UACA: variants seen among roughly 807,000 people sequenced by gnomAD.
The protein encoded by UACA is nuclear membrane binding protein.
UACA carries 112 observed loss-of-function variants against 160.5 expected under a neutral mutation model. The ratio of observed to expected loss-of-function variants is 0.70; its 90% confidence interval spans 0.60 to 0.82. The LOEUF (loss-of-function observed/expected upper bound fraction) is 0.82, where lower values mean the gene tolerates loss of function less well. Ranked by LOEUF, UACA falls within the 40% of genes least tolerant of loss-of-function variation. The probability of loss-of-function intolerance (pLI) is 0.00; values close to 1 mark genes in which losing one functional copy is unlikely to be tolerated. For missense variants in UACA, 1,574 were observed against 1,614.6 expected, an observed-to-expected ratio of 0.97 and a Z score of 0.43; for synonymous variants, 557 against 568.4, an observed-to-expected ratio of 0.98 and a Z score of 0.29.
chr15:70,699,465 A>G, intron 2 of UACA, 62 bp downstream of exon 2: 5 of 1,550,488 alleles, frequency 3.2e-6, no homozygotes, highest in Non-Finnish European at 4.4e-6. Flanking sequence ...CACAAGTTTC[A>G]TTTGTATCCC....
chr15:70,717,016 G>A (rs1421260839), intron 1 of UACA, among the ~76,000 whole-genome samples: 1 of 152,192 alleles, frequency 6.6e-6, no homozygotes, highest in Non-Finnish European at 1.5e-5. Context: ...GAGGTCAGGA[G>A]TTTGAGACCA....
intron 1 of UACA, among the ~76,000 whole-genome samples, chr15:70,737,168 C>T (rs1238276502): frequency 3.9e-5 from 6 of 152,168 alleles, no homozygotes; most frequent in Non-Finnish European, 7.3e-5. Context: ...GCCATCGGGG[C>T]TGAGTGTTTG....
intron 1 of UACA, among the ~76,000 whole-genome samples, chr15:70,718,044 C>CACACACACACACAT (rs1029293844): frequency 1.3e-5 from 2 of 151,472 alleles, no homozygotes; most frequent in African/African-American, 4.9e-5. Flanking sequence ...CACACACACA[C>CACACACACACACAT]ACACACACAC....
chr15:70,699,630 G>T lies in UACA; in HGVS notation c.109C>A (p.Arg37=). Reference sequence around the variant, plus strand: ...CCCCTTTCTGCTGCTTTCATCAATCGGTCATCATATTTATTCCAATCTGCT... The same window carrying T: ...CCCCTTTCTGCTGCTTTCATCAATCTGTCATCATATTTATTCCAATCTGCT... ...HAADWNKYDD[R]LMKAAERGDV... The change falls in exon 2 of 19, where the codon CGA becomes AGA. Residue 37 remains arginine (R), a synonymous_variant. Transcript: ENST00000322954. The T allele has an allele frequency of 6.2e-7, 1 of 1,608,508 alleles. No individual in the cohort carries two copies. The highest frequency in any genetic ancestry group is 8.5e-7 in the Non-Finnish European group (1 of 1,178,572).
At chr15:70,724,045 A>T (rs1363886297) in intron 1 of UACA, among the ~76,000 whole-genome samples, 2 of 152,212 alleles carry the variant, frequency 1.3e-5, no homozygotes, top group Non-Finnish European at 2.9e-5. Flanking sequence ...CTGTAGCTTT[A>T]TATTTTAAGT....
intron 1 of UACA, among the ~76,000 whole-genome samples, chr15:70,727,443 G>T (rs1899183001): frequency 6.6e-6 from 1 of 152,044 alleles, no homozygotes; most frequent in African/African-American, 2.4e-5. Context: ...AAAATTACTT[G>T]ATACTGCATA....
chr15:70,681,729 T>C (rs1897514680), intron 9 of UACA: 1 of 152,120 alleles, frequency 6.6e-6, no homozygotes. Flanking sequence ...TCAACAGACA[T>C]GACCCATATA....
intron 1 of UACA, among the ~76,000 whole-genome samples, chr15:70,761,311 G>A (rs1407847335): frequency 6.6e-6 from 1 of 151,692 alleles, no homozygotes; most frequent in East Asian, 1.9e-4. Flanking sequence ...ACACGGTGTC[G>A]ATATTTTGTT....
chr15:70,753,365 A>G (rs965042414), intron 1 of UACA, among the ~76,000 whole-genome samples: 2 of 152,238 alleles, frequency 1.3e-5, no homozygotes, highest in East Asian at 1.9e-4. Flanking sequence ...ACAATTCCAC[A>G]TATCTCTGGA....
At chr15:70,750,662 C>T (rs1305196899) in intron 1 of UACA, among the ~76,000 whole-genome samples, 1 of 152,096 alleles carries the variant, frequency 6.6e-6, no homozygotes, top group African/African-American at 2.4e-5. Context: ...AGCCCTCAGG[C>T]GTTCGAGACC....
intron 13 of UACA, among the ~76,000 whole-genome samples, chr15:70,673,307 GA>G (rs1187957759): frequency 6.6e-6 from 1 of 151,788 alleles, no homozygotes; most frequent in Non-Finnish European, 1.5e-5. Flanking sequence ...AAAAACCCCA[GA>G]GTGAAATGAA....
intron 10 of UACA, among the ~76,000 whole-genome samples, 153 bp downstream of exon 10, chr15:70,679,455 A>C (rs1259283074): frequency 2.0e-5 from 3 of 146,342 alleles, no homozygotes. Flanking sequence ...AGATTAGGCA[A>C]AAAAAAAGAG....
intron 1 of UACA, among the ~76,000 whole-genome samples, chr15:70,757,288 G>C (rs1357527425): frequency 6.6e-6 from 1 of 152,168 alleles, no homozygotes; most frequent in Non-Finnish European, 1.5e-5. Flanking sequence ...GCTAAAGGGT[G>C]ATTATTTTGG....
At chr15:70,674,025 C>A (rs1897226502) in intron 13 of UACA, among the ~76,000 whole-genome samples, 1 of 152,096 alleles carries the variant, frequency 6.6e-6, no homozygotes, top group Non-Finnish European at 1.5e-5. Context: ...CCTCGCCCAG[C>A]TAATTTTTAT....
chr15:70,680,392 TA>T (rs138540280), intron 9 of UACA, among the ~76,000 whole-genome samples: 33 of 149,502 alleles, frequency 2.2e-4, no homozygotes, highest in African/African-American at 3.7e-4. Flanking sequence ...CTAATTAGGT[TA>T]AAAAAAAAAC....
intron 8 of UACA, among the ~76,000 whole-genome samples, chr15:70,683,577 C>A (rs1897592326): frequency 6.6e-6 from 1 of 152,072 alleles, no homozygotes; most frequent in African/African-American, 2.4e-5. Context: ...AGCTTAAACA[C>A]TACATGTAGA....
chr15:70,667,258 G>A lies in UACA; in HGVS notation c.3426C>T (p.Tyr1142=), dbSNP rs548726754. ...TGGTCACTGTCTGCTGCTCTTTCTC[G>A]TAACACCTTTGCATACTCTTCAGTT... ...KEELKSMQRC[Y]EKEQQTVTKL... The change falls in exon 16 of 19, where the codon TAC becomes TAT. Residue 1142 remains tyrosine (Y), a synonymous_variant. Coordinates refer to ENST00000322954, the MANE Select transcript of UACA (RefSeq NM_018003.4). 8.7e-6 allele frequency: 14 copies of A among 1,613,276 alleles called. No homozygotes were observed. The highest frequency in any genetic ancestry group is 3.3e-4 in the Middle Eastern group (2 of 6,052).
In UACA at chr15:70,710,346, T is replaced by C. The variant is rs771007246; in HGVS notation, c.79-10686A>G. ...AATTGCATATAAGCACTCTGTGAGA[T>C]AGGAAAAACCAAACTTTTCCCAACT... On this transcript the variant is annotated intron_variant, in intron 1 of 18. Transcript: ENST00000322954. Among the ~76,000 whole-genome samples, 70 of 152,170 alleles carry C rather than the reference T, an allele frequency of 4.6e-4. 1 individual carries two copies. Among genetic ancestry groups the C allele is most frequent in the Non-Finnish European group, 9.0e-4 (61 of 68,012 alleles).
In UACA at chr15:70,654,753, A is replaced by T. The variant is rs1896436735; in HGVS notation, c.*2303T>A. The T allele has an allele frequency of 6.6e-6, 1 of 152,126 alleles. No individual in the cohort carries two copies. Among genetic ancestry groups the T allele is most frequent in the Admixed American group, 6.5e-5 (1 of 15,272 alleles). 9.4% of individuals were successfully genotyped at this position (152,126 alleles called of 1,614,324 possible). ...TCTCAGAGAGCACTCATTACATCTT[A>T]GACAACGTCACTCTTCTTTCCTCTT... On this transcript the variant is annotated 3_prime_UTR_variant, in exon 19 of 19. Transcript: ENST00000322954.
Sources: allele counts gnomAD v4.1 joint callset (sites outside exome capture counted in the v4.1 genomes callset), GRCh38; gene constraint gnomAD v4.1.1; transcripts MANE v1.5; gene names NCBI Gene and HGNC (gene_info 2026-07-23, HGNC 2026-07-21).